DUSP16: variants seen among roughly 807,000 people sequenced by gnomAD.
The protein encoded by DUSP16 is dual specificity phosphatase 16.
DUSP16 carries 21 observed loss-of-function variants against 58.3 expected under a neutral mutation model. That is an observed-to-expected ratio of 0.36 (90% confidence interval 0.26 to 0.52). The LOEUF (loss-of-function observed/expected upper bound fraction) is 0.52, where lower values mean the gene tolerates loss of function less well. Among genes scored for constraint, DUSP16 ranks in the 20% least tolerant of loss-of-function variants. The pLI is 0.94. For synonymous variants in DUSP16, 320 were observed against 323.8 expected (o/e 0.99, Z 0.12); for missense variants, 726 against 819.0 (o/e 0.89, Z 1.39).
At chr12:12,519,721 T>C (rs1944201759) in intron 3 of DUSP16, 141 bp downstream of exon 3, 1 of 812,964 alleles carries the variant, frequency 1.2e-6, no homozygotes, top group South Asian at 1.9e-5. Context: ...AATAGAACGG[T>C]GACATCAATC....
At chr12:12,513,385 G>C (rs965287663) in intron 3 of DUSP16, among the ~76,000 whole-genome samples, 2 of 152,134 alleles carry the variant, frequency 1.3e-5, no homozygotes, top group Admixed American at 6.6e-5. Context: ...CAAAAAGACT[G>C]AGAAAGAGCT....
chr12:12,545,772 A>G (rs1012305066), intron 1 of DUSP16, among the ~76,000 whole-genome samples: 2 of 152,186 alleles, frequency 1.3e-5, no homozygotes, highest in African/African-American at 4.8e-5. Flanking sequence ...AGTTACCCTA[A>G]TAACAGATAA....
intron 5 of DUSP16, chr12:12,485,546 C>G (rs907266563): frequency 6.6e-6 from 1 of 152,132 alleles, no homozygotes; most frequent in African/African-American, 2.4e-5. Flanking sequence ...GGGTCTGGCT[C>G]TACTGCCCAG....
At chr12:12,538,430 T>C (rs1345703514) in intron 1 of DUSP16, among the ~76,000 whole-genome samples, 3 of 152,224 alleles carry the variant, frequency 2.0e-5, no homozygotes, top group East Asian at 3.8e-4. Context: ...AAGTTAATAA[T>C]GTCCCTTTTA....
chr12:12,524,751 T>G (rs1944280079), intron 1 of DUSP16, among the ~76,000 whole-genome samples: 1 of 152,232 alleles, frequency 6.6e-6, no homozygotes, highest in Non-Finnish European at 1.5e-5. Context: ...TTTAGCCAGC[T>G]GCTAAAGTTG....
chr12:12,515,446 G>A (rs368840991), intron 3 of DUSP16, among the ~76,000 whole-genome samples: 5 of 151,722 alleles, frequency 3.3e-5, no homozygotes, highest in African/African-American at 1.2e-4. Flanking sequence ...TCCTGCCTCA[G>A]CTTCCTGAGC....
intron 4 of DUSP16, among the ~76,000 whole-genome samples, chr12:12,500,172 G>C (rs572334644): frequency 6.6e-6 from 1 of 152,124 alleles, no homozygotes; most frequent in South Asian, 2.1e-4. Context: ...ATTTCTAAAT[G>C]TGTGATAATC....
chr12:12,482,745 A>G (rs1943596077), intron 5 of DUSP16, among the ~76,000 whole-genome samples: 1 of 152,142 alleles, frequency 6.6e-6, no homozygotes, highest in East Asian at 1.9e-4. Context: ...ACAGGGTCTC[A>G]CTCTGTTCAT....
chr12:12,522,778 G>A (rs1372265461), intron 1 of DUSP16, among the ~76,000 whole-genome samples: 1 of 151,864 alleles, frequency 6.6e-6, no homozygotes, highest in Non-Finnish European at 1.5e-5. Flanking sequence ...TGCCCAGGCT[G>A]GTCTCAAACT....
At chr12:12,535,721 C>T (rs368325483) in intron 1 of DUSP16, among the ~76,000 whole-genome samples, 7 of 152,190 alleles carry the variant, frequency 4.6e-5, no homozygotes, top group South Asian at 2.1e-4. Context: ...GATAACATGC[C>T]GGTCAGATGT....
chr12:12,503,224 C>CTTTT lies in DUSP16; in HGVS notation c.368-2546_368-2543dup, dbSNP rs34349090. 4.4e-4 allele frequency among the ~76,000 whole-genome samples: 51 copies of CTTTT among 115,414 alleles called. 1 individual carries two copies. The highest frequency in any genetic ancestry group is 1.5e-3 in the African/African-American group (47 of 31,476). 75.7% of individuals were successfully genotyped at this position (115,414 alleles called of 152,430 possible). On this transcript the variant is annotated intron_variant, in intron 3 of 6. Transcript: ENST00000298573. ...ACTCAGGAGGTATCACTGGTTATTG[C>CTTTT]TTTTTTTTTTTTTTTTTTTGAGACA... is the stretch of plus-strand genomic sequence containing the variant.
intron 2 of DUSP16, 80 bp from the exon 3 acceptor site, chr12:12,520,080 C>T: frequency 6.8e-7 from 1 of 1,460,196 alleles, no homozygotes. Context: ...TCACATTTAC[C>T]AGTGCTGGGG....
chr12:12,524,833 T>C (rs1041460413), intron 1 of DUSP16, among the ~76,000 whole-genome samples: 7 of 152,194 alleles, frequency 4.6e-5, no homozygotes, highest in Admixed American at 3.3e-4. Flanking sequence ...AATGTATACA[T>C]AGTATGAACG....
chr12:12,540,313 GAGT>G (rs1479658562), intron 1 of DUSP16, among the ~76,000 whole-genome samples: 2 of 152,008 alleles, frequency 1.3e-5, no homozygotes, highest in African/African-American at 4.8e-5. Flanking sequence ...CTGGGCCACA[GAGT>G]GAGACCCTGT....
chr12:12,527,862 G>A (rs1034099308), intron 1 of DUSP16, among the ~76,000 whole-genome samples: 1 of 152,072 alleles, frequency 6.6e-6, no homozygotes, highest in Non-Finnish European at 1.5e-5. Flanking sequence ...GTTGAAAGCC[G>A]CCCCTCCAAT....
intron 1 of DUSP16, among the ~76,000 whole-genome samples, chr12:12,523,960 G>A (rs890444545): frequency 6.6e-6 from 1 of 152,206 alleles, no homozygotes; most frequent in African/African-American, 2.4e-5. Context: ...ATGGCACTGG[G>A]TCTCTGAGTC....
intron 1 of DUSP16, among the ~76,000 whole-genome samples, chr12:12,535,951 A>C (rs1944456526): frequency 6.6e-6 from 1 of 152,240 alleles, no homozygotes; most frequent in Non-Finnish European, 1.5e-5. Context: ...AAAAGGGGCT[A>C]GATGGTAAAG....
chr12:12,560,933 T>C (rs1418844574), intron 1 of DUSP16: 1 of 89,374 alleles, frequency 1.1e-5, no homozygotes, highest in Non-Finnish European at 2.2e-5. Context: ...AACTTTTGCA[T>C]GGATGGTAAA....
Position 12,519,852 on chromosome 12 carries a change from C to A in DUSP16, c.367+10G>T, listed in dbSNP as rs775405899. The A allele has an allele frequency of 6.2e-6, 10 of 1,613,814 alleles. No homozygotes were observed. The highest frequency in any genetic ancestry group is 8.5e-6 in the Non-Finnish European group (10 of 1,179,818). ...ATTCTGAGTCCTTTTAATTCCATCA[C>A]GAGCCTTACCTGCAAGCAGGTGAAC... On this transcript the variant is annotated intron_variant, in intron 3 of 6. Coordinates refer to ENST00000298573, the MANE Select transcript of DUSP16 (RefSeq NM_030640.3).
Sources: gnomAD v4.1 joint callset for allele counts (sites outside exome capture counted in the v4.1 genomes callset) on GRCh38, gnomAD v4.1.1 for gene constraint, MANE v1.5 for transcripts, NCBI Gene and HGNC (gene_info 2026-07-23, HGNC 2026-07-21) for gene names.